The following MS4A2 variants were observed in gnomAD, a reference collection of about 807,000 sequenced individuals.
The protein encoded by MS4A2 is membrane spanning 4-domains A2, also known as high affinity immunoglobulin epsilon receptor subunit beta.
A neutral mutation model predicts 27.9 loss-of-function variants in MS4A2; 26 were observed. The observed-to-expected ratio is 0.93, with a 90% confidence interval of 0.68 to 1.29. MS4A2 has a LOEUF of 1.29. Ranked by LOEUF, MS4A2 falls within the 50% of genes most tolerant of loss-of-function variation. MS4A2 has a pLI of 0.00. For missense variants in MS4A2, 284 were observed against 284.6 expected (o/e 1.00, Z 0.01); for synonymous variants, 110 against 98.8 (o/e 1.11, Z -0.67).
intron 6 of MS4A2, 129 bp downstream of exon 6, chr11:60,094,191 T>C (rs536836400): frequency 2.8e-6 from 2 of 713,220 alleles, no homozygotes; most frequent in South Asian, 3.1e-5. Context: ...TTTATTACTT[T>C]GGTTTACAAA....
chr11:60,093,394 T>A lies in MS4A2; in HGVS notation c.379-6T>A. 6.2e-7 allele frequency: 1 copy of A among 1,614,176 alleles called. No individual in the cohort carries two copies. Among genetic ancestry groups the A allele is most frequent in the Non-Finnish European group, 8.5e-7 (1 of 1,180,028 alleles). On this transcript the variant is annotated splice_polypyrimidine_tract_variant and splice_region_variant and intron_variant, in intron 4 of 6. Coordinates refer to ENST00000278888, the MANE Select transcript of MS4A2 (RefSeq NM_000139.5). ...CCCAGGTCTGAGTGTTCTTCATTAT[T>A]ATCAGGTGAGAGGAAGCCTGGGAGC...
intron 5 of MS4A2, 116 bp downstream of exon 5, chr11:60,093,674 T>C (rs996989103): frequency 7.1e-7 from 1 of 1,408,900 alleles, no homozygotes; most frequent in South Asian, 1.2e-5. Context: ...TTACACAGTA[T>C]AGTGGTTCTG....
At position 60,093,459 on chromosome 11, in the gene MS4A2, CA is replaced by C; in HGVS notation, c.439del (p.Ile147SerfsTer2). The C allele has an allele frequency of 6.2e-7, 1 of 1,614,186 alleles. No individual in the cohort carries two copies. The highest frequency in any genetic ancestry group is 8.5e-7 in the Non-Finnish European group (1 of 1,180,034). On this transcript the variant is annotated frameshift_variant, in exon 5 of 7. Transcript: ENST00000278888. LOFTEE classifies it high-confidence loss of function. ...GCATAGCTGGGGGAACGGGAATTACCATCCTGATCATCAACCTGAAGAAGAG... is the reference window on the plus strand; with the variant it reads ...GCATAGCTGGGGGAACGGGAATTACCTCCTGATCATCAACCTGAAGAAGAG... The part of the protein sequence containing the change: ...SSIAGGTGIT[I>X]LIINLKKSLA...
chr11:60,096,761 CCTGTAGT>C lies in MS4A2; in HGVS notation c.*1107_*1113del, dbSNP rs1855876107. ...AATTAGCTGGGTGTGGTGGCAGTCA[CCTGTAGT>C]CCCAGCTACTTGGGAGGCTGAGGCA... On this transcript the variant is annotated 3_prime_UTR_variant, in exon 7 of 7. Transcript: ENST00000278888. 1.3e-5 allele frequency: 2 copies of C among 151,972 alleles called. No individual in the cohort carries two copies. Among genetic ancestry groups the C allele is most frequent in the Admixed American group, 6.6e-5 (1 of 15,240 alleles). The allele number at this position is 151,972 out of a possible 1,614,324, so 9.4% of individuals were successfully genotyped here.
upstream of MS4A2, chr11:60,088,625 A>G: frequency 6.7e-7 from 1 of 1,503,712 alleles, no homozygotes; most frequent in African/African-American, 1.4e-5. Flanking sequence ...TGTCTGGCAA[A>G]TGACTTATGT....
rs1301804454 is a variant in MS4A2, at chr11:60,089,676, C to T, written c.57-16C>T. The T allele has an allele frequency of 1.1e-5, 18 of 1,613,934 alleles. No individual in the cohort carries two copies. Among genetic ancestry groups the T allele is most frequent in the Non-Finnish European group, 1.4e-5 (17 of 1,179,944 alleles). ...ACAGAATGTTCTCATGACTGAATTGCTTTTAAATTTCACAGTGTGCCTGCA... is the reference window on the plus strand; with the variant it reads ...ACAGAATGTTCTCATGACTGAATTGTTTTTAAATTTCACAGTGTGCCTGCA... On this transcript the variant is annotated splice_polypyrimidine_tract_variant and intron_variant, in intron 1 of 6. Transcript: ENST00000278888.
At chr11:60,093,802 TTGTG>T (rs60162275) in intron 5 of MS4A2, 158 bp from the exon 6 acceptor site, 187,344 of 636,678 alleles carry the variant, frequency 0.29, 9,392 homozygotes, top group Middle Eastern at 0.37. Context: ...GTGCCTGTGT[TTGTG>T]TGTGTGTGTG....
At chr11:60,088,570 T>C, upstream of MS4A2, 2 of 1,399,562 alleles carry the variant, frequency 1.4e-6, no homozygotes, top group Non-Finnish European at 1.9e-6. Flanking sequence ...TTTCTATTCA[T>C]CACAAGTAAA....
In MS4A2 at chr11:60,089,761, C is replaced by T; in HGVS notation, c.126C>T (p.Ala42=). The stretch of plus-strand genomic sequence containing the variant: ...CTTCAGGCAGACTATTGAAGTCGGC[C>T]TCATCCCCACCACTGCATACATGGC... ...EVSSGRLLKS[A]SSPPLHTWLT... is the part of the protein sequence containing the mutation. The change falls in exon 2 of 7, where the codon GCC becomes GCT. Residue 42 remains alanine (A), a synonymous_variant. Transcript: ENST00000278888. 6.2e-7 allele frequency: 1 copy of T among 1,614,144 alleles called. No homozygotes were observed. Among genetic ancestry groups the T allele is most frequent in the Non-Finnish European group, 8.5e-7 (1 of 1,180,022 alleles).
upstream of MS4A2, chr11:60,088,503 C>T (rs1855689301): frequency 2.4e-6 from 2 of 838,678 alleles, no homozygotes; most frequent in South Asian, 4.7e-5. Context: ...AATTATGCTC[C>T]AGGAGTCTCA....
rs1286748600 is a variant in MS4A2 at position 60,093,984 on chromosome 11, G to A, written c.558G>A (p.Leu186=). The change falls in exon 6 of 7, where the codon CTG becomes CTA. Residue 186 remains leucine (L), a synonymous_variant. Transcript: ENST00000278888. The part of the protein sequence containing the change: ...SFSTEIVVMM[L]FLTILGLGSA... Reference sequence around the variant, plus strand: ...AATAGGAAATTGTAGTGATGATGCTGTTTCTCACCATTCTGGGACTTGGTA... The same window carrying A: ...AATAGGAAATTGTAGTGATGATGCTATTTCTCACCATTCTGGGACTTGGTA... 20 of 1,613,754 alleles carry A rather than the reference G, an allele frequency of 1.2e-5. No individual in the cohort carries two copies. The highest frequency in any genetic ancestry group is 1.6e-5 in the Non-Finnish European group (19 of 1,179,666).
chr11:60,092,079 C>T (rs778734798), intron 3 of MS4A2, among the ~76,000 whole-genome samples: 13 of 151,912 alleles, frequency 8.6e-5, no homozygotes, highest in Non-Finnish European at 1.6e-4. Context: ...TGATGGAAGA[C>T]GCACATACAA....
Position 60,095,651 on chromosome 11 carries a change from T to C in MS4A2, c.730T>C (p.Leu244=), listed in dbSNP as rs763432593. The C allele has an allele frequency of 1.3e-6, 2 of 1,599,860 alleles. No individual in the cohort carries two copies. Among genetic ancestry groups the C allele is most frequent in the Non-Finnish European group, 1.7e-6 (2 of 1,167,122 alleles). ...AGGGGAAATGTCTCCTCCCATTGATTTATAAGAATCACGTGTCCAGAACAC... is the reference window on the plus strand; with the variant it reads ...AGGGGAAATGTCTCCTCCCATTGATCTATAAGAATCACGTGTCCAGAACAC... ...DPGEMSPPID[L] is the part of the protein sequence containing the mutation. Residue 244 remains leucine (L), a synonymous_variant, in exon 7 of 7, where the codon TTA becomes CTA. Coordinates refer to ENST00000278888, the MANE Select transcript of MS4A2 (RefSeq NM_000139.5).
In MS4A2 at chr11:60,095,626, AG is replaced by A; in HGVS notation, c.709del (p.Glu237LysfsTer17). 1 of 1,610,794 alleles carries A rather than the reference AG, an allele frequency of 6.2e-7. No homozygotes were observed. The highest frequency in any genetic ancestry group is 8.5e-7 in the Non-Finnish European group (1 of 1,177,002). ...SATYSELEDP[G>X]EMSPPIDL ...CTACTTACAGTGAGTTGGAAGACCC[AG>A]GGGAAATGTCTCCTCCCATTGATTT... On this transcript the variant is annotated frameshift_variant, in exon 7 of 7. Coordinates refer to ENST00000278888, the MANE Select transcript of MS4A2 (RefSeq NM_000139.5). LOFTEE classifies it high-confidence loss of function.
At chr11:60,090,622 T>C (rs951386425) in intron 3 of MS4A2, 152 bp downstream of exon 3, 16 of 708,432 alleles carry the variant, frequency 2.3e-5, no homozygotes, top group Middle Eastern at 4.1e-4. Context: ...ATAGATATGC[T>C]CATTAACAAC....
At chr11:60,091,723 T>C (rs12284742) in intron 3 of MS4A2, among the ~76,000 whole-genome samples, 1,927 of 152,348 alleles carry the variant, frequency 0.013, 48 homozygotes, top group African/African-American at 0.044. Flanking sequence ...ATTTTAATTC[T>C]AGACTATGTC....
In MS4A2 at chr11:60,095,809, CT is replaced by C. The variant is rs1408509283; in HGVS notation, c.*155del. On this transcript the variant is annotated 3_prime_UTR_variant, in exon 7 of 7. Coordinates refer to ENST00000278888, the MANE Select transcript of MS4A2 (RefSeq NM_000139.5). ...TGATAAGAATATTTTGTTTCTGCTG[CT>C]TCTGTCCACCTTAATATTCTCCTTC... is the stretch of plus-strand genomic sequence containing the variant. 1 of 670,762 alleles carries C rather than the reference CT, an allele frequency of 1.5e-6. No individual in the cohort carries two copies. The highest frequency in any genetic ancestry group is 2.7e-6 in the Non-Finnish European group (1 of 369,400). The allele number at this position is 670,762 out of a possible 1,614,324, so 41.6% of individuals were successfully genotyped here. A position where few individuals can be genotyped will look rare whatever the true frequency, so the allele number is the denominator to read the frequency against.
chr11:60,088,518 T>C, upstream of MS4A2: 1 of 1,057,578 alleles, frequency 9.5e-7, no homozygotes, highest in Non-Finnish European at 1.2e-6. Flanking sequence ...GTCTCAAATT[T>C]TCTTATTTCA....
Position 60,094,173 on chromosome 11 carries a change from C to T in MS4A2, c.636+111C>T. On this transcript the variant is annotated intron_variant, in intron 6 of 6. Coordinates refer to ENST00000278888, the MANE Select transcript of MS4A2 (RefSeq NM_000139.5). ...AAACATTTCTTCCAGAAAATAGTTT[C>T]TCCAAGTTTTATTACTTTGGTTTAC... 9.1e-6 allele frequency: 7 copies of T among 769,728 alleles called. No individual in the cohort carries two copies. In the South Asian group the frequency reaches 1.1e-4, roughly 12 times the overall value. The allele number at this position is 769,728 out of a possible 1,614,324, so 47.7% of individuals were successfully genotyped here.
Sources: allele counts gnomAD v4.1 joint callset (sites outside exome capture counted in the v4.1 genomes callset), GRCh38; gene constraint gnomAD v4.1.1; transcripts MANE v1.5; gene names NCBI Gene and HGNC (gene_info 2026-07-23, HGNC 2026-07-21).